Variants in NAT1 observed in about 807,000 individuals in gnomAD.
NAT1 encodes N-acetyltransferase 1, also known as arylamine N-acetyltransferase 1.
For missense variants in NAT1, 400 were observed against 339.2 expected, an observed-to-expected ratio of 1.18 and a Z score of -1.41; for synonymous variants, 144 against 122.6, an observed-to-expected ratio of 1.17 and a Z score of -1.16.
At chr8:18,202,654 C>T (rs1376506131) in intron 2 of NAT1, among the ~76,000 whole-genome samples, 1 of 151,822 alleles carries the variant, frequency 6.6e-6, no homozygotes, top group African/African-American at 2.4e-5. Context: ...AAAGGTGGTG[C>T]GTCCGGAGTT....
chr8:18,183,008 G>T (rs1802579923), intron 2 of NAT1, among the ~76,000 whole-genome samples: 1 of 151,988 alleles, frequency 6.6e-6, no homozygotes, highest in African/African-American at 2.4e-5. Context: ...ATTAATTTTT[G>T]TCTTAGTCTA....
At chr8:18,216,997 C>T (rs1804740937) in intron 1 of NAT1, 1 of 1,546,556 alleles carries the variant, frequency 6.5e-7, no homozygotes. Flanking sequence ...GTTTCTGGGT[C>T]AGTACCCTGG....
intron 2 of NAT1, among the ~76,000 whole-genome samples, chr8:18,195,428 A>G (rs894196738): frequency 6.7e-6 from 1 of 149,064 alleles, no homozygotes; most frequent in African/African-American, 2.5e-5. Context: ...GTAACTTCTG[A>G]CTTTTCCCAT....
intron 2 of NAT1, among the ~76,000 whole-genome samples, chr8:18,176,286 C>T (rs1334032241): frequency 1.3e-5 from 2 of 152,058 alleles, no homozygotes; most frequent in African/African-American, 2.4e-5. Flanking sequence ...CTTGCCCACA[C>T]CAATGTCATG....
At chr8:18,194,457 G>C (rs965153860) in intron 2 of NAT1, among the ~76,000 whole-genome samples, 4 of 152,140 alleles carry the variant, frequency 2.6e-5, no homozygotes, top group Admixed American at 6.5e-5. Context: ...TGATGGTGGA[G>C]GTCTGTTATC....
intron 2 of NAT1, among the ~76,000 whole-genome samples, chr8:18,176,374 T>C (rs1265405971): frequency 6.6e-6 from 1 of 152,098 alleles, no homozygotes; most frequent in African/African-American, 2.4e-5. Context: ...TACGTTTAAG[T>C]ATTTTATTCA....
chr8:18,221,420 A>G (rs1461211934), intron 2 of NAT1, among the ~76,000 whole-genome samples: 2 of 151,542 alleles, frequency 1.3e-5, no homozygotes, highest in Non-Finnish European at 2.9e-5. Context: ...ACAATCTAAC[A>G]GATTGCATGT....
rs1224013199 is a variant in NAT1, at chr8:18,192,651, T to C, written n.93-17130T>C. Among the ~76,000 whole-genome samples, 11 of 152,186 alleles carry C rather than the reference T, an allele frequency of 7.2e-5. No homozygotes were observed. In the East Asian group the frequency reaches 2.1e-3, roughly 29 times the overall value. ...GTGGCACATATACACCATGGAATAC[T>C]ATGCAGCCATAAAAAAGGATGAGTT... On this transcript the variant is annotated intron_variant and non_coding_transcript_variant, in intron 2 of 4. Coordinates refer to the NAT1 transcript ENST00000517441.
intron 2 of NAT1, among the ~76,000 whole-genome samples, chr8:18,176,501 T>C (rs995683525): frequency 6.6e-6 from 1 of 152,112 alleles, no homozygotes. Context: ...TTGTCAAATA[T>C]CAATTGGCCA....
At chr8:18,193,596 A>C (rs1803108772) in intron 2 of NAT1, among the ~76,000 whole-genome samples, 2 of 148,022 alleles carry the variant, frequency 1.4e-5, no homozygotes, top group South Asian at 4.2e-4. Context: ...TCCTGTGAAA[A>C]ACGGGATATT....
intron 1 of NAT1, among the ~76,000 whole-genome samples, chr8:18,218,102 C>T (rs979943119): frequency 6.6e-6 from 1 of 152,082 alleles, no homozygotes; most frequent in Non-Finnish European, 1.5e-5. Context: ...GGAGTTTTAC[C>T]GTTTCCTGCT....
rs750185765 is a variant in NAT1 at position 18,219,423 on chromosome 8, G to A, written c.-73G>A. 1.2e-5 allele frequency: 19 copies of A among 1,549,310 alleles called. 1 individual carries two copies. The highest frequency in any genetic ancestry group is 8.4e-5 in the South Asian group (7 of 83,630). On this transcript the variant is annotated 5_prime_UTR_variant, in exon 2 of 3. Coordinates refer to ENST00000307719, the MANE Select transcript of NAT1 (RefSeq NM_000662.8). The stretch of plus-strand genomic sequence containing the variant: ...CTCTTATTTCTAGAATTCAAGCCAG[G>A]AAGAAGCAGCAATCTGTCTTCTGGA...
chr8:18,190,072 G>A (rs991237419), intron 2 of NAT1, among the ~76,000 whole-genome samples: 3 of 152,192 alleles, frequency 2.0e-5, no homozygotes, highest in Non-Finnish European at 2.9e-5. Context: ...TTACAGGTGT[G>A]AGCCACCACA....
intron 2 of NAT1, among the ~76,000 whole-genome samples, chr8:18,195,864 AC>A (rs1426233536): frequency 6.6e-6 from 1 of 151,822 alleles, no homozygotes; most frequent in African/African-American, 2.4e-5. Flanking sequence ...TTTTCGACCT[AC>A]CAGTTATACA....
At chr8:18,210,759 T>C (rs755150469) in intron 1 of NAT1, among the ~76,000 whole-genome samples, 9 of 152,172 alleles carry the variant, frequency 5.9e-5, no homozygotes, top group Non-Finnish European at 1.0e-4. Context: ...TTGCAATGCC[T>C]ATGGGAATTC....
At chr8:18,178,538 A>G (rs1158006749) in intron 2 of NAT1, among the ~76,000 whole-genome samples, 1 of 152,124 alleles carries the variant, frequency 6.6e-6, no homozygotes, top group Admixed American at 6.6e-5. Context: ...GGATGTGTAG[A>G]CAGCAGAGAA....
At chr8:18,184,547 A>G (rs1258851618) in intron 2 of NAT1, among the ~76,000 whole-genome samples, 1 of 152,202 alleles carries the variant, frequency 6.6e-6, no homozygotes, top group African/African-American at 2.4e-5. Context: ...TGTAATTAGC[A>G]AGGTTGTTGA....
chr8:18,195,119 C>T (rs566105342), intron 2 of NAT1, among the ~76,000 whole-genome samples: 1 of 152,264 alleles, frequency 6.6e-6, no homozygotes, highest in South Asian at 2.1e-4. Context: ...AGACCAGGAG[C>T]CTCTGCACAG....
intron 2 of NAT1, among the ~76,000 whole-genome samples, chr8:18,203,779 A>G (rs1803579296): frequency 6.6e-6 from 1 of 152,186 alleles, no homozygotes; most frequent in Admixed American, 6.5e-5. Context: ...TAGTAAGGGT[A>G]TGGGAGTCCT....
Sources: gnomAD v4.1 joint callset for allele counts (sites outside exome capture counted in the v4.1 genomes callset) on GRCh38, gnomAD v4.1.1 for gene constraint, MANE v1.5 for transcripts, NCBI Gene and HGNC (gene_info 2026-07-23, HGNC 2026-07-21) for gene names.